The following CFP variants were observed in gnomAD, a reference collection of about 807,000 sequenced individuals.
The protein encoded by CFP is complement factor properdin, also known as properdin.
In CFP, 14 loss-of-function variants were observed where a neutral mutation model predicts 42.1. The observed-to-expected ratio is 0.33, with a 90% CI of 0.22 to 0.52. The LOEUF (loss-of-function observed/expected upper bound fraction) is 0.52. Ranked by LOEUF, CFP falls within the 20% of genes least tolerant of loss-of-function variation. The pLI is 0.96. For missense variants in CFP, 318 were observed against 400.4 expected (o/e 0.79, Z 1.76); for synonymous variants, 149 against 160.6 (o/e 0.93, Z 0.54).
Position 47,626,363 on chromosome X carries a change from T to C in CFP, c.1097A>G (p.Asp366Gly). The C allele has an allele frequency of 3.3e-6, 4 of 1,211,255 alleles. No individual in the cohort carries two copies. The highest frequency in any genetic ancestry group is 4.5e-6 in the Non-Finnish European group (4 of 895,249). ...CTGGATGCTGTAGCAGTGCCGGATA[T>C]CCTGCTGTTGCCCGGCACATCGATG... ...DGHRCAGQQQ[D>G]IRHCYSIQHC... The change falls in exon 7 of 9, where the codon GAT becomes GGT. Residue 366 changes from aspartate (D) to glycine (G), a missense_variant. Transcript: ENST00000396992.
chrX:47,629,906 G>T lies in CFP; in HGVS notation c.-62C>A, dbSNP rs2057984721. 3.6e-6 allele frequency: 4 copies of T among 1,111,883 alleles called. No homozygotes were observed. The Admixed American group carries it at 1.0e-4, about 29-fold the overall frequency. 91.6% of individuals were successfully genotyped at this position (1,111,883 alleles called of 1,213,427 possible). A position where few individuals can be genotyped will look rare whatever the true frequency, so the allele number is the denominator to read the frequency against. On this transcript the variant is annotated 5_prime_UTR_variant, in exon 1 of 9. Transcript: ENST00000396992. ...GGTCCCGCTTTATCTGGGTTGATAG[G>T]CTCCTGGAATCAGCAGGGAAAGAGG... is the stretch of plus-strand genomic sequence containing the variant.
At chrX:47,629,486 T>TCCCTCCCCC in intron 2 of CFP, 38 bp downstream of exon 2, 1 of 669,644 alleles carries the variant, frequency 1.5e-6, no homozygotes, top group Non-Finnish European at 2.3e-6. Context: ...AGACAGTCCT[T>TCCCTCCCCC]CCCTCCCCCC....
chrX:47,629,498 A>AAAC, intron 2 of CFP, 26 bp downstream of exon 2: 3 of 270,867 alleles, frequency 1.1e-5, no homozygotes, highest in Non-Finnish European at 1.9e-5. Context: ...CCTCCCCCCC[A>AAAC]TCCCCCACCC....
Position 47,629,595 on chromosome X carries a change from G to A in CFP, c.156C>T (p.Ser52=), listed in dbSNP as rs1436771083. ...KCKGLLGGGV[S]VEDCCLNTAF... is the part of the protein sequence containing the mutation. ...CAGTGTTGAGACAGCAGTCTTCCAC[G>A]CTGACACCACCCCCCAGGAGGCCCT... Residue 52 remains serine (S), a synonymous_variant, in exon 2 of 9, where the codon AGC becomes AGT. Coordinates refer to ENST00000396992, the MANE Select transcript of CFP (RefSeq NM_001145252.3). 42 of 1,137,319 alleles carry A rather than the reference G, an allele frequency of 3.7e-5. No individual in the cohort carries two copies. The highest frequency in any genetic ancestry group is 1.0e-4 in the East Asian group (3 of 29,199). The allele number at this position is 1,137,319 out of a possible 1,213,427, so 93.7% of individuals were successfully genotyped here.
chrX:47,630,188 G>A (rs928951866), upstream of CFP: 3 of 296,460 alleles, frequency 1.0e-5, no homozygotes, highest in African/African-American at 8.1e-5. Flanking sequence ...CCTTGGGTGA[G>A]TCACTTAACA....
Position 47,624,243 on chromosome X carries a change from G to A in CFP, c.*32C>T. On this transcript the variant is annotated 3_prime_UTR_variant, in exon 9 of 9. Transcript: ENST00000396992. ...GAGGCTAGTTTATTGAGGTTTGGAA[G>A]GTCAGGGGGCTCAGAGTGGAGGAGA... The A allele has an allele frequency of 4.1e-6, 5 of 1,205,622 alleles. 1 individual carries two copies. The highest frequency in any genetic ancestry group is 5.6e-6 in the Non-Finnish European group (5 of 890,060).
At position 47,626,049 on chromosome X, in the gene CFP, C is replaced by T. The variant is rs2057966717; in HGVS notation, c.1244+9G>A. 8.6e-7 allele frequency: 1 copy of T among 1,164,422 alleles called. No individual in the cohort carries two copies. Among genetic ancestry groups the T allele is most frequent in the Non-Finnish European group, 1.2e-6 (1 of 868,121 alleles). On this transcript the variant is annotated intron_variant, in intron 8 of 8. Coordinates refer to ENST00000396992, the MANE Select transcript of CFP (RefSeq NM_001145252.3). Reference sequence around the variant, plus strand: ...CCCCCTCCCAGGCATACTTTGCCCTCTCACTCACGGGTACTTGGGGAGCAA... The same window carrying T: ...CCCCCTCCCAGGCATACTTTGCCCTTTCACTCACGGGTACTTGGGGAGCAA...
At chrX:47,629,498 A>AAACCCC in intron 2 of CFP, 26 bp downstream of exon 2, 1 of 270,866 alleles carries the variant, frequency 3.7e-6, no homozygotes, top group Non-Finnish European at 6.3e-6. Context: ...CCTCCCCCCC[A>AAACCCC]TCCCCCACCC....
intron 8 of CFP, 98 bp from the exon 9 acceptor site, chrX:47,624,538 ACTT>A: frequency 2.0e-6 from 1 of 505,450 alleles, no homozygotes; most frequent in Non-Finnish European, 2.7e-6. Flanking sequence ...GCCGAGGGCT[ACTT>A]TTTTTTTTTT....
At position 47,624,235 on chromosome X, in the gene CFP, G is replaced by A. The variant is rs1303051290; in HGVS notation, c.*40C>T. On this transcript the variant is annotated 3_prime_UTR_variant, in exon 9 of 9. Transcript: ENST00000396992. ...AACTCGAAGAGGCTAGTTTATTGAG[G>A]TTTGGAAGGTCAGGGGGCTCAGAGT... The A allele has an allele frequency of 8.3e-7, 1 of 1,199,440 alleles. No homozygotes were observed. Among genetic ancestry groups the A allele is most frequent in the Non-Finnish European group, 1.1e-6 (1 of 884,420 alleles).
chrX:47,627,316 G>T lies in CFP; in HGVS notation c.591C>A (p.Ala197=). 2 of 1,196,648 alleles carry T rather than the reference G, an allele frequency of 1.7e-6. No individual in the cohort carries two copies. The highest frequency in any genetic ancestry group is 2.3e-6 in the Non-Finnish European group (2 of 886,586). Residue 197 remains alanine (A), a synonymous_variant, in exon 5 of 9, where the codon GCC becomes GCA. Coordinates refer to ENST00000396992, the MANE Select transcript of CFP (RefSeq NM_001145252.3). ...QQVCPTHGAW[A]TWGPWTPCSA... Reference sequence around the variant, plus strand: ...AGCAGGGGGTCCAGGGGCCCCAGGTGGCCCAGGCCCCGTGTGCTGTGGTGG... The same window carrying T: ...AGCAGGGGGTCCAGGGGCCCCAGGTTGCCCAGGCCCCGTGTGCTGTGGTGG...
intron 8 of CFP, chrX:47,624,783 G>A (rs757206174): frequency 2.0e-4 from 33 of 161,658 alleles, no homozygotes; most frequent in South Asian, 1.0e-3. Flanking sequence ...TCTGTGCCTC[G>A]GTTTCCCTCA....
chrX:47,626,710 C>T (rs2057969860), intron 6 of CFP, 63 bp downstream of exon 6: 3 of 1,142,842 alleles, frequency 2.6e-6, no homozygotes, highest in Non-Finnish European at 3.5e-6. Context: ...GCAGCAGGAG[C>T]TGGGCAGCAG....
chrX:47,627,056 GC>G (rs758636954), intron 5 of CFP, 84 bp downstream of exon 5: 1,038 of 1,152,770 alleles, frequency 9.0e-4, no homozygotes, highest in Admixed American at 2.5e-3. Flanking sequence ...TGGTCACATG[GC>G]CTAGGAACTC....
At chrX:47,629,489 CT>C (rs1281699935) in intron 2 of CFP, 34 bp downstream of exon 2, 151 of 654,203 alleles carry the variant, frequency 2.3e-4, no homozygotes, top group Admixed American at 1.1e-3. Flanking sequence ...CAGTCCTTCC[CT>C]CCCCCCCATC....
At position 47,629,294 on chromosome X, in the gene CFP, G is replaced by A. The variant is rs2057981169; in HGVS notation, c.227+230C>T. The A allele has an allele frequency of 1.0e-5, 4 of 396,315 alleles. No homozygotes were observed. The South Asian group carries it at 1.8e-4, about 18-fold the overall frequency. 32.7% of individuals were successfully genotyped at this position (396,315 alleles called of 1,213,427 possible). A position where few individuals can be genotyped will look rare whatever the true frequency, so the allele number is the denominator to read the frequency against. On this transcript the variant is annotated intron_variant, in intron 2 of 8. Coordinates refer to ENST00000396992, the MANE Select transcript of CFP (RefSeq NM_001145252.3). ...TACTGGCATCTAGTGGAAGGCTAGG[G>A]GTGTTACAAAACATCCCACAATACA...
intron 2 of CFP, 86 bp from the exon 3 acceptor site, chrX:47,628,363 G>A: frequency 1.0e-6 from 1 of 971,292 alleles, no homozygotes; most frequent in Non-Finnish European, 1.4e-6. Flanking sequence ...AGACACGAAG[G>A]GTTGCTAGGC....
In CFP at chrX:47,624,347, C is replaced by T. The variant is rs1296734192; in HGVS notation, c.1338G>A (p.Lys446=). 2 of 1,210,515 alleles carry T rather than the reference C, an allele frequency of 1.7e-6. No homozygotes were observed. Among genetic ancestry groups the T allele is most frequent in the Admixed American group, 2.2e-5 (1 of 45,905 alleles). Residue 446 remains lysine, a synonymous_variant, in exon 9 of 9, where the codon AAG becomes AAA. Transcript: ENST00000396992. ...LPRCEELQGQ[K]LVVEEKRPCL... The stretch of plus-strand genomic sequence containing the variant: ...ATGGTCGTTTCTCCTCCACCACCAG[C>T]TTCTGCCCTTGTAGCTCCTCACACC...
chrX:47,624,202 C>T lies in CFP; in HGVS notation c.*73G>A, dbSNP rs2057958986. 2.7e-6 allele frequency: 3 copies of T among 1,118,825 alleles called. No homozygotes were observed. In the East Asian group the frequency reaches 9.0e-5, roughly 34 times the overall value. 92.2% of individuals were successfully genotyped at this position (1,118,825 alleles called of 1,213,427 possible). On this transcript the variant is annotated 3_prime_UTR_variant, in exon 9 of 9. Transcript: ENST00000396992. ...GGTTGTTTTTCCTCCTTTAAGGAATCGTAGACGAACTCGAAGAGGCTAGTT... is the reference window on the plus strand; with the variant it reads ...GGTTGTTTTTCCTCCTTTAAGGAATTGTAGACGAACTCGAAGAGGCTAGTT...
Sources: allele counts gnomAD v4.1 joint callset, GRCh38; gene constraint gnomAD v4.1.1; transcripts MANE v1.5; gene names NCBI Gene and HGNC (gene_info 2026-07-23, HGNC 2026-07-21).